ARFGEF3: variants seen among roughly 807,000 people sequenced by gnomAD.
ARFGEF3 encodes the protein brefeldin A-inhibited guanine nucleotide-exchange protein 3.
In ARFGEF3, 96 loss-of-function variants were observed where a neutral mutation model predicts 221.7. The observed-to-expected ratio is 0.43, with a 90% confidence interval of 0.37 to 0.51. ARFGEF3 has a LOEUF of 0.51. Among genes scored for constraint, ARFGEF3 ranks in the 20% least tolerant of loss-of-function variants. The probability of loss-of-function intolerance (pLI) is 0.00; values close to 1 mark genes in which losing one functional copy is unlikely to be tolerated. For synonymous variants in ARFGEF3, 1,145 were observed against 1,126.8 expected (o/e 1.02, Z -0.32); for missense variants, 2,410 against 2,789.9 (o/e 0.86, Z 3.07).
At chr6:138,297,697 CT>C (rs200300569) in intron 21 of ARFGEF3, among the ~76,000 whole-genome samples, 2,130 of 152,224 alleles carry the variant, frequency 0.014, 61 homozygotes, top group African/African-American at 0.05. Flanking sequence ...TATCAGTTAT[CT>C]TTTACTCTAC....
intron 32 of ARFGEF3, among the ~76,000 whole-genome samples, chr6:138,329,391 G>A (rs1223722628): frequency 3.3e-5 from 5 of 152,102 alleles, no homozygotes; most frequent in Non-Finnish European, 7.4e-5. Context: ...TGGGCTGGGC[G>A]CAATGGCTCA....
chr6:138,335,291 A>ACAGGTAGGGGGTATGAAC, intron 33 of ARFGEF3, 103 bp downstream of exon 33: 2 of 1,205,788 alleles, frequency 1.7e-6, no homozygotes, highest in South Asian at 4.1e-5. Flanking sequence ...ATTTATAGAA[A>ACAGGTAGGGGGTATGAAC]CAGGTAGGGG....
At chr6:138,196,818 T>C (rs771401287) in intron 2 of ARFGEF3, among the ~76,000 whole-genome samples, 67 of 152,268 alleles carry the variant, frequency 4.4e-4, no homozygotes, top group Non-Finnish European at 8.5e-4. Context: ...ATAAGCTTTA[T>C]TTTCTTTTTC....
At chr6:138,298,325 C>T (rs1779559314) in intron 21 of ARFGEF3, among the ~76,000 whole-genome samples, 1 of 152,182 alleles carries the variant, frequency 6.6e-6, no homozygotes, top group Non-Finnish European at 1.5e-5. Flanking sequence ...TGTTCTGTAC[C>T]ATTCAAGAAA....
chr6:138,206,310 T>A (rs1562352867), intron 2 of ARFGEF3, among the ~76,000 whole-genome samples: 1 of 152,110 alleles, frequency 6.6e-6, no homozygotes, highest in South Asian at 2.1e-4. Context: ...TGCCCTTGTT[T>A]TCCCTAACCT....
In ARFGEF3 at chr6:138,334,090, A is replaced by G; in HGVS notation, c.5244A>G (p.Ile1748Met). The change falls in exon 33 of 34, where the codon ATA becomes ATG. Residue 1748 changes from isoleucine (I) to methionine (M), a missense_variant. Physicochemically the swap from Ile to Met is conservative, Grantham distance 10. Coordinates refer to ENST00000251691, the MANE Select transcript of ARFGEF3 (RefSeq NM_020340.5). The surrounding 1 kb of genome is among the most constrained non-coding windows in gnomAD (Gnocchi z 5.1). The part of the protein sequence containing the change: ...KGPSPGEEKT[I>M]QVPEAKLAGF... ...CCTCTCCTGGAGAGGAAAAGACGAT[A>G]CAAGTGCCAGAAGCCAAGCTGGCTG... 1 of 1,613,992 alleles carries G rather than the reference A, an allele frequency of 6.2e-7. No homozygotes were observed. The highest frequency in any genetic ancestry group is 8.5e-7 in the Non-Finnish European group (1 of 1,179,896).
intron 2 of ARFGEF3, among the ~76,000 whole-genome samples, chr6:138,172,262 A>G (rs1179915078): frequency 6.6e-6 from 1 of 152,228 alleles, no homozygotes; most frequent in African/African-American, 2.4e-5. Context: ...CTGTGAAGGC[A>G]TGGATAGTTT....
At chr6:138,169,377 C>G (rs1053376115) in intron 1 of ARFGEF3, among the ~76,000 whole-genome samples, 2 of 152,168 alleles carry the variant, frequency 1.3e-5, no homozygotes, top group African/African-American at 2.4e-5. Context: ...TGTGTGACAG[C>G]CTTTTCTCTT....
intron 2 of ARFGEF3, among the ~76,000 whole-genome samples, chr6:138,174,104 A>G (rs977669845): frequency 2.4e-4 from 36 of 152,160 alleles, no homozygotes; most frequent in African/African-American, 8.4e-4. Flanking sequence ...AAGATATACA[A>G]AACAGAAAAC....
At chr6:138,313,564 A>T (rs1369119364) in intron 25 of ARFGEF3, among the ~76,000 whole-genome samples, 1 of 152,132 alleles carries the variant, frequency 6.6e-6, no homozygotes, top group Non-Finnish European at 1.5e-5. Flanking sequence ...TATCCATAGG[A>T]TCCTTTTTCC....
chr6:138,192,828 A>G (rs2114470804), intron 2 of ARFGEF3, among the ~76,000 whole-genome samples: 1 of 152,324 alleles, frequency 6.6e-6, no homozygotes, highest in Admixed American at 6.5e-5. Context: ...TGAAGAAAGT[A>G]AGGGTTGAAG....
intron 2 of ARFGEF3, among the ~76,000 whole-genome samples, chr6:138,188,312 C>A (rs532339345): frequency 1.3e-5 from 2 of 152,140 alleles, no homozygotes; most frequent in African/African-American, 4.8e-5. Flanking sequence ...AGGTTCCCCC[C>A]CTCCGGTAAT....
chr6:138,187,377 C>T (rs1188440803), intron 2 of ARFGEF3, among the ~76,000 whole-genome samples: 1 of 152,116 alleles, frequency 6.6e-6, no homozygotes, highest in African/African-American at 2.4e-5. Flanking sequence ...TTTCACAGAC[C>T]CCATTGTCCT....
At chr6:138,220,629 AAAAT>A (rs1314934002) in intron 4 of ARFGEF3, among the ~76,000 whole-genome samples, 5 of 152,212 alleles carry the variant, frequency 3.3e-5, no homozygotes, top group African/African-American at 2.4e-5. Flanking sequence ...ATGGAACAAA[AAAAT>A]AAGTCTTTTC....
chr6:138,167,680 G>A lies in ARFGEF3; in HGVS notation c.86-2982G>A, dbSNP rs6900404. Among the ~76,000 whole-genome samples, 851 of 152,232 alleles carry A rather than the reference G, an allele frequency of 5.6e-3. 11 individuals carry two copies. The highest frequency in any genetic ancestry group is 0.02 in the African/African-American group (816 of 41,514). ...AGCCTGTTCACTTCTTTCTACCTCT[G>A]TTGCCAGCTCTCCAGAATAAGCTGC... On this transcript the variant is annotated intron_variant, in intron 1 of 33. Coordinates refer to ENST00000251691, the MANE Select transcript of ARFGEF3 (RefSeq NM_020340.5).
intron 1 of ARFGEF3, among the ~76,000 whole-genome samples, chr6:138,166,812 G>A (rs1303185030): frequency 1.3e-5 from 2 of 152,230 alleles, no homozygotes; most frequent in Admixed American, 6.5e-5. Flanking sequence ...AGAAACTAGA[G>A]GTACGAAGGC....
At chr6:138,286,654 G>A (rs770600275) in intron 15 of ARFGEF3, 47 bp from the exon 16 acceptor site, 23 of 1,509,496 alleles carry the variant, frequency 1.5e-5, no homozygotes, top group African/African-American at 2.7e-5. Flanking sequence ...TTCATTGCCA[G>A]GTTGTTTTTG....
At chr6:138,332,352 TG>T (rs1382022746) in intron 32 of ARFGEF3, among the ~76,000 whole-genome samples, 1 of 116,128 alleles carries the variant, frequency 8.6e-6, no homozygotes, top group Non-Finnish European at 1.6e-5. Flanking sequence ...TTCTTCCACT[TG>T]GAGACTTACT....
At chr6:138,242,569 GGTT>G (rs1483986836) in intron 6 of ARFGEF3, among the ~76,000 whole-genome samples, 1 of 152,198 alleles carries the variant, frequency 6.6e-6, no homozygotes, top group Non-Finnish European at 1.5e-5. Flanking sequence ...CCTTGGAATA[GGTT>G]GTTCTCTGTG....
Sources: gnomAD v4.1 joint callset for allele counts (sites outside exome capture counted in the v4.1 genomes callset) on GRCh38, gnomAD v4.1.1 for gene constraint, Gnocchi (gnomAD v3.1) non-coding constraint, MANE v1.5 for transcripts, NCBI Gene and HGNC (gene_info 2026-07-23, HGNC 2026-07-21) for gene names.